Variants in GRIK1 observed in about 807,000 individuals in gnomAD.
GRIK1 encodes the protein glutamate ionotropic receptor kainate type subunit 1.
Under a neutral mutation model 105.7 loss-of-function variants are expected in GRIK1, and 69 were observed. The observed-to-expected ratio is 0.65, with a 90% CI of 0.54 to 0.80. The LOEUF is 0.80. GRIK1 is among the 30% of genes least tolerant of loss of function. The probability of loss-of-function intolerance (pLI) is 0.00; values close to 1 mark genes in which losing one functional copy is unlikely to be tolerated. For synonymous variants in GRIK1, 438 were observed against 431.3 expected (o/e 1.02, Z -0.19); for missense variants, 1,109 against 1,167.3 (o/e 0.95, Z 0.73).
chr21:29,697,539 A>G (rs1229331463), intron 1 of GRIK1, among the ~76,000 whole-genome samples: 1 of 152,122 alleles, frequency 6.6e-6, no homozygotes, highest in African/African-American at 2.4e-5. Flanking sequence ...AGACCCCATC[A>G]CACTCTCTTT....
chr21:29,675,245 G>T (rs1430084900), intron 3 of GRIK1, among the ~76,000 whole-genome samples: 1 of 152,144 alleles, frequency 6.6e-6, no homozygotes, highest in Admixed American at 6.5e-5. Context: ...AATACAAATT[G>T]TTGGTGCTGA....
intron 7 of GRIK1, among the ~76,000 whole-genome samples, chr21:29,610,865 A>C (rs903844040): frequency 6.6e-6 from 1 of 152,192 alleles, no homozygotes; most frequent in African/African-American, 2.4e-5. Flanking sequence ...TTCTTACAGA[A>C]GTTAATTTTC....
At chr21:29,867,739 A>G (rs981429402) in intron 1 of GRIK1, among the ~76,000 whole-genome samples, 10 of 151,988 alleles carry the variant, frequency 6.6e-5, no homozygotes, top group African/African-American at 2.2e-4. Context: ...GGTTGCAGTG[A>G]GCCTAGATCA....
intron 1 of GRIK1, among the ~76,000 whole-genome samples, chr21:29,762,063 C>T (rs1178433328): frequency 6.6e-6 from 1 of 152,212 alleles, no homozygotes; most frequent in Non-Finnish European, 1.5e-5. Context: ...GTTTCTATCG[C>T]ACAAAATAAA....
chr21:29,640,230 C>T (rs1190553971), intron 7 of GRIK1, among the ~76,000 whole-genome samples: 1 of 151,492 alleles, frequency 6.6e-6, no homozygotes, highest in African/African-American at 2.4e-5. Flanking sequence ...CCTAATGAAA[C>T]CTGATACTTG....
chr21:29,620,790 T>TAG (rs1555851166), intron 7 of GRIK1, among the ~76,000 whole-genome samples: 11 of 113,584 alleles, frequency 9.7e-5, no homozygotes, highest in South Asian at 5.2e-4. Flanking sequence ...TAGATATATA[T>TAG]ATCTATATAT....
chr21:29,656,354 CAAAAAAAAAAAAAAAAAAAAA>C (rs3054331), intron 4 of GRIK1, among the ~76,000 whole-genome samples: 579 of 51,210 alleles, frequency 0.011, 17 homozygotes, highest in East Asian at 0.03. Context: ...GAGCGAGACT[CAAAAAAAAAAAAAAAAAAAAA>C]AAAAAAAAAA....
chr21:29,658,132 TG>T (rs1172550064), intron 4 of GRIK1, among the ~76,000 whole-genome samples: 2 of 152,202 alleles, frequency 1.3e-5, no homozygotes, highest in African/African-American at 4.8e-5. Context: ...TTTTTTTTTT[TG>T]GCAGAAAACA....
At position 29,673,960 on chromosome 21, in the gene GRIK1, G is replaced by A. The variant is rs933084273; in HGVS notation, c.545-796C>T. Among the ~76,000 whole-genome samples the A allele has an allele frequency of 4.6e-5, 7 of 152,128 alleles. No individual in the cohort carries two copies. The South Asian group carries it at 1.0e-3, about 22-fold the overall frequency. On this transcript the variant is annotated intron_variant, in intron 3 of 17. Coordinates refer to ENST00000327783, the MANE Select transcript of GRIK1 (RefSeq NM_001330994.2). The stretch of plus-strand genomic sequence containing the variant: ...ATGCTTTACTAGGACAAGGAAAGCC[G>A]CTGTGTAAAAGGCTCCCTCTTATGT...
At chr21:29,869,347 G>A (rs2068932629) in intron 1 of GRIK1, among the ~76,000 whole-genome samples, 1 of 152,158 alleles carries the variant, frequency 6.6e-6, no homozygotes, top group Non-Finnish European at 1.5e-5. Flanking sequence ...AGTGAGAAAT[G>A]CCATCCAATA....
chr21:29,881,686 A>C (rs2069413436), intron 1 of GRIK1, among the ~76,000 whole-genome samples: 1 of 152,070 alleles, frequency 6.6e-6, no homozygotes, highest in Non-Finnish European at 1.5e-5. Context: ...AAGATTCTTC[A>C]ATTCCCTGTC....
chr21:29,849,267 C>T (rs893078371), intron 1 of GRIK1, among the ~76,000 whole-genome samples: 3 of 152,136 alleles, frequency 2.0e-5, no homozygotes, highest in Non-Finnish European at 4.4e-5. Context: ...GCCAAACATT[C>T]ATGAGATTAA....
intron 1 of GRIK1, among the ~76,000 whole-genome samples, chr21:29,916,913 T>C (rs912475590): frequency 6.6e-6 from 1 of 151,968 alleles, no homozygotes; most frequent in African/African-American, 2.4e-5. Flanking sequence ...CATGAATATA[T>C]CTTTTATGTA....
At chr21:29,563,339 G>A (rs769910184) in intron 14 of GRIK1, among the ~76,000 whole-genome samples, 3 of 152,206 alleles carry the variant, frequency 2.0e-5, no homozygotes, top group African/African-American at 7.2e-5. Context: ...GGGTTTATGA[G>A]TTAGGGGAGG....
At chr21:29,660,731 G>A (rs1036054062) in intron 4 of GRIK1, among the ~76,000 whole-genome samples, 12 of 152,124 alleles carry the variant, frequency 7.9e-5, no homozygotes, top group East Asian at 1.9e-4. Flanking sequence ...TGACTAAGCC[G>A]AAGTGTATTT....
At chr21:29,856,391 G>A (rs1236862574) in intron 1 of GRIK1, among the ~76,000 whole-genome samples, 1 of 152,140 alleles carries the variant, frequency 6.6e-6, no homozygotes. Context: ...ACAGAGAAAT[G>A]GCATGTGACA....
At chr21:29,592,941 C>T (rs574136035) in intron 9 of GRIK1, among the ~76,000 whole-genome samples, 1 of 152,244 alleles carries the variant, frequency 6.6e-6, no homozygotes, top group South Asian at 2.1e-4. Flanking sequence ...TAAATATGTT[C>T]CTCTAATGGG....
chr21:29,876,729 G>A (rs115584461), intron 1 of GRIK1, among the ~76,000 whole-genome samples: 173 of 152,200 alleles, frequency 1.1e-3, no homozygotes, highest in African/African-American at 3.7e-3. Context: ...TCTTGTAAGC[G>A]TGCTTTATTT....
intron 7 of GRIK1, among the ~76,000 whole-genome samples, chr21:29,609,325 T>G (rs2061682208): frequency 6.6e-6 from 1 of 152,172 alleles, no homozygotes; most frequent in East Asian, 1.9e-4. Context: ...CTAGCTTTTA[T>G]GGCAATGTGG....
Sources: allele counts gnomAD v4.1 joint callset (sites outside exome capture counted in the v4.1 genomes callset), GRCh38; gene constraint gnomAD v4.1.1; transcripts MANE v1.5; gene names NCBI Gene and HGNC (gene_info 2026-07-23, HGNC 2026-07-21).